NUDCD1: variants seen among roughly 807,000 people sequenced by gnomAD.
NUDCD1 encodes nudC domain-containing protein 1.
Under a neutral mutation model 67.8 loss-of-function variants are expected in NUDCD1, and 60 were observed. The ratio of observed to expected loss-of-function variants is 0.88; its 90% CI spans 0.72 to 1.10. NUDCD1 has a LOEUF of 1.10. Ranked by LOEUF, NUDCD1 falls within the 50% of genes least tolerant of loss-of-function variation. The pLI, the probability that NUDCD1 is intolerant of heterozygous loss-of-function variation, is 0.00. For synonymous variants in NUDCD1, 244 were observed against 230.8 expected (o/e 1.06, Z -0.52); for missense variants, 643 against 695.0 (o/e 0.93, Z 0.84).
In NUDCD1 at chr8:109,327,348, C is replaced by A. The variant is rs947055370; in HGVS notation, c.119-4885G>T. On this transcript the variant is annotated intron_variant, in intron 1 of 9. Transcript: ENST00000239690. ...TAAGGGTAGAGATGAGTTTTATAGTCAACTCTACATAAATACAATGGTTAC... is the reference window on the plus strand; with the variant it reads ...TAAGGGTAGAGATGAGTTTTATAGTAAACTCTACATAAATACAATGGTTAC... 2.6e-5 allele frequency among the ~76,000 whole-genome samples: 4 copies of A among 152,106 alleles called. No individual in the cohort carries two copies. In the South Asian group the frequency reaches 8.3e-4, roughly 31 times the overall value.
At chr8:109,331,551 A>C (rs2130161991) in intron 1 of NUDCD1, among the ~76,000 whole-genome samples, 1 of 150,080 alleles carries the variant, frequency 6.7e-6, no homozygotes, top group South Asian at 2.1e-4. Flanking sequence ...TTCAAATGGC[A>C]CCTGATATCC....
Position 109,245,303 on chromosome 8 carries a change from C to CA in NUDCD1, c.1459+18dup. 1 of 1,589,356 alleles carries CA rather than the reference C, an allele frequency of 6.3e-7. No individual in the cohort carries two copies. Among genetic ancestry groups the CA allele is most frequent in the Non-Finnish European group, 8.6e-7 (1 of 1,167,974 alleles). On this transcript the variant is annotated intron_variant, in intron 9 of 9. Transcript: ENST00000239690. ...GTATTTCTGATTTCATGGAAAATGT[C>CA]AAAGAGTTTGCTTTATACCTAAAGC... is the stretch of plus-strand genomic sequence containing the variant.
chr8:109,275,741 A>G (rs2129967205), intron 6 of NUDCD1, among the ~76,000 whole-genome samples: 1 of 152,334 alleles, frequency 6.6e-6, no homozygotes, highest in South Asian at 2.1e-4. Flanking sequence ...AATGGCCTGA[A>G]GAGAGGATTG....
chr8:109,271,123 T>C lies in NUDCD1; in HGVS notation c.1181A>G (p.Asn394Ser). 3 of 1,556,418 alleles carry C rather than the reference T, an allele frequency of 1.9e-6. No individual in the cohort carries two copies. The highest frequency in any genetic ancestry group is 1.4e-5 in the African/African-American group (1 of 72,860). Residue 394 changes from asparagine to serine, a missense_variant, in exon 8 of 10, where the codon AAT becomes AGT. Transcript: ENST00000239690. ...GCAAGGTGGTTTTTCTTTATCTGGA[T>C]TTGGATTCTTAGTCCAGAAAATAAA... is the stretch of plus-strand genomic sequence containing the variant. ...MHLTSEELNPNPDKEKPPCNA... is the reference protein window; with the variant it reads ...MHLTSEELNPSPDKEKPPCNA...
chr8:109,325,940 T>C (rs886638316), intron 1 of NUDCD1, among the ~76,000 whole-genome samples: 1 of 152,196 alleles, frequency 6.6e-6, no homozygotes, highest in African/African-American at 2.4e-5. Context: ...CCAATTATGA[T>C]AGATTTGATA....
At position 109,298,582 on chromosome 8, in the gene NUDCD1, GAA is replaced by G. The variant is rs1814899975; in HGVS notation, c.274-2015_274-2014del. 3 of 152,114 alleles carry G rather than the reference GAA, an allele frequency of 2.0e-5. No individual in the cohort carries two copies. In the South Asian group the frequency reaches 6.2e-4, roughly 31 times the overall value. The allele number at this position is 152,114 out of a possible 1,614,324, so 9.4% of individuals were successfully genotyped here. A position where few individuals can be genotyped will look rare whatever the true frequency, so the allele number is the denominator to read the frequency against. ...ATACTGTTCTTATAATCTCAGGATA[GAA>G]AAAGTCTTTCTACATGTAAATAAAA... On this transcript the variant is annotated intron_variant, in intron 2 of 9. Transcript: ENST00000239690.
intron 1 of NUDCD1, among the ~76,000 whole-genome samples, chr8:109,330,879 G>A (rs1815789394): frequency 6.6e-6 from 1 of 152,150 alleles, no homozygotes; most frequent in Non-Finnish European, 1.5e-5. Context: ...ACACACTGTG[G>A]TCTGTCAGAG....
At chr8:109,309,023 C>T (rs1238003850) in intron 2 of NUDCD1, among the ~76,000 whole-genome samples, 1 of 151,332 alleles carries the variant, frequency 6.6e-6, no homozygotes, top group East Asian at 1.9e-4. Context: ...CAGAATTCTA[C>T]CAGATGTTCA....
chr8:109,280,247 C>T (rs1055054083), intron 6 of NUDCD1, among the ~76,000 whole-genome samples: 3 of 152,086 alleles, frequency 2.0e-5, no homozygotes, highest in Admixed American at 6.6e-5. Context: ...ATGGAAAGAT[C>T]CCTAAGATTT....
chr8:109,266,439 T>C (rs1455267820), intron 8 of NUDCD1, among the ~76,000 whole-genome samples: 2 of 145,290 alleles, frequency 1.4e-5, no homozygotes, highest in Admixed American at 1.4e-4. Flanking sequence ...AGAGATGGGG[T>C]TTCACTGTGT....
At position 109,265,892 on chromosome 8, in the gene NUDCD1, G is replaced by A. The variant is rs563369956; in HGVS notation, c.1299+5113C>T. On this transcript the variant is annotated intron_variant, in intron 8 of 9. Coordinates refer to ENST00000239690, the MANE Select transcript of NUDCD1 (RefSeq NM_032869.4). ...TGCTGTGCGACCAGGTTCTTAACAGGCCAGGGACCTGTAAGGTCTGTGGCC... is the reference window on the plus strand; with the variant it reads ...TGCTGTGCGACCAGGTTCTTAACAGACCAGGGACCTGTAAGGTCTGTGGCC... Among the ~76,000 whole-genome samples the A allele has an allele frequency of 4.9e-4, 74 of 152,200 alleles. 1 individual carries two copies. The highest frequency in any genetic ancestry group is 3.4e-3 in the Middle Eastern group (1 of 294).
At chr8:109,285,826 G>T (rs59606309) in intron 5 of NUDCD1, among the ~76,000 whole-genome samples, 19,443 of 152,002 alleles carry the variant, frequency 0.13, 1,319 homozygotes, top group Middle Eastern at 0.25. Flanking sequence ...TCAGGCAAAA[G>T]AAATAAATAA....
intron 5 of NUDCD1, among the ~76,000 whole-genome samples, chr8:109,285,314 A>G (rs1176436237): frequency 6.6e-6 from 1 of 152,174 alleles, no homozygotes; most frequent in Non-Finnish European, 1.5e-5. Flanking sequence ...AACTCACTCT[A>G]TGAAGGCAGC....
At chr8:109,331,856 C>T (rs1418460241) in intron 1 of NUDCD1, among the ~76,000 whole-genome samples, 2 of 152,124 alleles carry the variant, frequency 1.3e-5, no homozygotes, top group Non-Finnish European at 2.9e-5. Flanking sequence ...GTCAGGGAAA[C>T]ACTGAATGAC....
intron 2 of NUDCD1, among the ~76,000 whole-genome samples, chr8:109,309,631 A>G (rs983639196): frequency 6.6e-6 from 1 of 152,196 alleles, no homozygotes; most frequent in South Asian, 2.1e-4. Flanking sequence ...AGAAAGAAAT[A>G]AAGGGCATCC....
At chr8:109,276,334 C>T (rs1423150404) in intron 6 of NUDCD1, among the ~76,000 whole-genome samples, 3 of 152,166 alleles carry the variant, frequency 2.0e-5, no homozygotes, top group African/African-American at 7.2e-5. Flanking sequence ...GCACCCACTG[C>T]TATAACAGAA....
chr8:109,246,579 G>A (rs1330036569), intron 8 of NUDCD1, among the ~76,000 whole-genome samples: 1 of 152,006 alleles, frequency 6.6e-6, no homozygotes, highest in African/African-American at 2.4e-5. Flanking sequence ...CTAAAGAAAT[G>A]CATTTTAATA....
chr8:109,325,985 T>C (rs1815673070), intron 1 of NUDCD1, among the ~76,000 whole-genome samples: 1 of 152,210 alleles, frequency 6.6e-6, no homozygotes. Flanking sequence ...ACTTATTTTA[T>C]AAGCAACAGT....
intron 8 of NUDCD1, among the ~76,000 whole-genome samples, chr8:109,248,775 C>T (rs1361810574): frequency 6.6e-6 from 1 of 150,764 alleles, no homozygotes; most frequent in Non-Finnish European, 1.5e-5. Flanking sequence ...CTTTTCGAAA[C>T]CTGACCCCAG....
Sources: gnomAD v4.1 joint callset for allele counts (sites outside exome capture counted in the v4.1 genomes callset) on GRCh38, gnomAD v4.1.1 for gene constraint, MANE v1.5 for transcripts, NCBI Gene and HGNC (gene_info 2026-07-23, HGNC 2026-07-21) for gene names.